GRAMD1B: variants seen among roughly 807,000 people sequenced by gnomAD.
GRAMD1B encodes GRAM domain containing 1B, also known as protein Aster-B.
A neutral mutation model predicts 99.7 loss-of-function variants in GRAMD1B; 37 were observed. The ratio of observed to expected loss-of-function variants is 0.37; its 90% CI spans 0.29 to 0.49. The LOEUF is 0.49. GRAMD1B is among the 20% of genes least tolerant of loss of function. GRAMD1B has a pLI of 0.98. For synonymous variants in GRAMD1B, 427 were observed against 387.6 expected (o/e 1.10, Z -1.19); for missense variants, 888 against 1,009.2 (o/e 0.88, Z 1.63).
At position 123,431,437 on chromosome 11, in the gene GRAMD1B, C is replaced by A. The variant is rs1470661402; in HGVS notation, c.374+271C>A. 1.3e-5 allele frequency among the ~76,000 whole-genome samples: 2 copies of A among 152,256 alleles called. 1 individual carries two copies. Among genetic ancestry groups the A allele is most frequent in the South Asian group, 4.1e-4 (2 of 4,830 alleles). On this transcript the variant is annotated intron_variant, in intron 1 of 19. Coordinates refer to ENST00000635736, the MANE Select transcript of GRAMD1B (RefSeq NM_001387025.1). ...TGCATTCCATCTCCCTTGATCCTCGCAGCGAAATAAATAATAAAAATAATA... is the reference window on the plus strand; with the variant it reads ...TGCATTCCATCTCCCTTGATCCTCGAAGCGAAATAAATAATAAAAATAATA...
chr11:123,537,549 C>T (rs1272935376), intron 2 of GRAMD1B, among the ~76,000 whole-genome samples: 1 of 152,162 alleles, frequency 6.6e-6, no homozygotes, highest in African/African-American at 2.4e-5. Flanking sequence ...GGCTTCTTCT[C>T]GATCTGAAAT....
At chr11:123,391,461 G>C (rs376984674) in intron 1 of GRAMD1B, among the ~76,000 whole-genome samples, 1 of 152,032 alleles carries the variant, frequency 6.6e-6, no homozygotes, top group African/African-American at 2.4e-5. Flanking sequence ...TTTTTTGTTT[G>C]TTTGTTTGTT....
At chr11:123,456,658 G>A (rs12360751) in intron 1 of GRAMD1B, among the ~76,000 whole-genome samples, 18,253 of 151,904 alleles carry the variant, frequency 0.12, 1,252 homozygotes, top group Non-Finnish European at 0.15. Flanking sequence ...AATGACTCAC[G>A]CCTATAATTC....
intron 1 of GRAMD1B, among the ~76,000 whole-genome samples, chr11:123,402,584 A>G (rs1313950333): frequency 6.6e-6 from 1 of 152,204 alleles, no homozygotes; most frequent in Non-Finnish European, 1.5e-5. Context: ...TGAATTTCCC[A>G]GCATCACAGT....
At chr11:123,541,280 T>TAG (rs903534755) in intron 2 of GRAMD1B, among the ~76,000 whole-genome samples, 2 of 152,148 alleles carry the variant, frequency 1.3e-5, no homozygotes, top group Non-Finnish European at 1.5e-5. Flanking sequence ...GATAGAAACC[T>TAG]AGAAGCCAGA....
intron 1 of GRAMD1B, among the ~76,000 whole-genome samples, chr11:123,469,472 A>G (rs796347307): frequency 2.0e-5 from 3 of 152,174 alleles, no homozygotes; most frequent in African/African-American, 7.2e-5. Flanking sequence ...GTCACTAAAG[A>G]AGTAAGGTCT....
At chr11:123,363,589 T>TTTTTTTTTTTTTTTTTTG (rs1555105461) in intron 1 of GRAMD1B, among the ~76,000 whole-genome samples, 1 of 152,026 alleles carries the variant, frequency 6.6e-6, no homozygotes, top group African/African-American at 2.4e-5. Context: ...TGTTTGTTTT[T>TTTTTTTTTTTTTTTTTTG]TTTTGGCACT....
chr11:123,359,900 C>G (rs1322850288), intron 1 of GRAMD1B, among the ~76,000 whole-genome samples: 2 of 152,180 alleles, frequency 1.3e-5, no homozygotes, highest in Non-Finnish European at 2.9e-5. Context: ...GGTACATCAC[C>G]TTTTGGAGAT....
chr11:123,410,552 C>T (rs115606258), intron 1 of GRAMD1B, among the ~76,000 whole-genome samples: 1 of 152,150 alleles, frequency 6.6e-6, no homozygotes, highest in Admixed American at 6.5e-5. Context: ...CTACACAAGA[C>T]CCTGGAACCA....
intron 1 of GRAMD1B, chr11:123,358,948 CAA>C (rs1946046670): frequency 6.6e-6 from 1 of 152,272 alleles, no homozygotes; most frequent in Admixed American, 6.5e-5. Flanking sequence ...AGTGAAACAT[CAA>C]AGTTACCTGA....
chr11:123,476,391 G>A lies in GRAMD1B; in HGVS notation c.375-4425G>A, dbSNP rs994585666. On this transcript the variant is annotated intron_variant, in intron 1 of 19. Coordinates refer to ENST00000635736, the MANE Select transcript of GRAMD1B (RefSeq NM_001387025.1). ...GCTGGGATTACAGGCGTGAGCCACC[G>A]CACCCGGCCCATTTAACTTCTTTAA... Among the ~76,000 whole-genome samples, 7 of 152,114 alleles carry A rather than the reference G, an allele frequency of 4.6e-5. No individual in the cohort carries two copies. In the East Asian group the frequency reaches 1.2e-3, roughly 25 times the overall value.
intron 1 of GRAMD1B, among the ~76,000 whole-genome samples, chr11:123,377,868 C>G (rs892097582): frequency 6.6e-6 from 1 of 152,218 alleles, no homozygotes; most frequent in Non-Finnish European, 1.5e-5. Flanking sequence ...CGCCTTCCAC[C>G]ACCATGCGCT....
At chr11:123,524,823 A>G (rs888758671) in intron 2 of GRAMD1B, among the ~76,000 whole-genome samples, 4 of 152,136 alleles carry the variant, frequency 2.6e-5, no homozygotes, top group African/African-American at 7.2e-5. Context: ...GAAGGTTGCT[A>G]TTTCATAATT....
At chr11:123,360,675 C>A (rs955673975) in intron 1 of GRAMD1B, among the ~76,000 whole-genome samples, 1 of 152,076 alleles carries the variant, frequency 6.6e-6, no homozygotes, top group African/African-American at 2.4e-5. Flanking sequence ...AAGTGAGTGC[C>A]CTATTTGGTT....
At chr11:123,573,754 A>G (rs144421088) in intron 2 of GRAMD1B, among the ~76,000 whole-genome samples, 441 of 152,366 alleles carry the variant, frequency 2.9e-3, no homozygotes, top group African/African-American at 8.7e-3. Flanking sequence ...GAGCTCATGA[A>G]CACTCAATAA....
chr11:123,398,565 T>C (rs1947549529), intron 1 of GRAMD1B, among the ~76,000 whole-genome samples: 1 of 152,220 alleles, frequency 6.6e-6, no homozygotes, highest in Non-Finnish European at 1.5e-5. Flanking sequence ...AGAAATCCAG[T>C]TGTTCCACAT....
At chr11:123,459,520 G>A (rs1274975998) in intron 1 of GRAMD1B, 1 of 152,206 alleles carries the variant, frequency 6.6e-6, no homozygotes, top group African/African-American at 2.4e-5. Flanking sequence ...CTCCCAAATT[G>A]TTGAGATTAC....
intron 2 of GRAMD1B, among the ~76,000 whole-genome samples, chr11:123,483,416 G>T (rs2134881806): frequency 6.8e-6 from 1 of 147,836 alleles, no homozygotes; most frequent in South Asian, 2.1e-4. Flanking sequence ...TTTGAGATAG[G>T]GTCTCTGTCA....
At chr11:123,415,970 C>A (rs1395681700) in intron 1 of GRAMD1B, among the ~76,000 whole-genome samples, 1 of 152,104 alleles carries the variant, frequency 6.6e-6, no homozygotes, top group Non-Finnish European at 1.5e-5. Context: ...ACTGAGGTTT[C>A]TTTAGTTTTT....
Sources: gnomAD v4.1 joint callset for allele counts (sites outside exome capture counted in the v4.1 genomes callset) on GRCh38, gnomAD v4.1.1 for gene constraint, MANE v1.5 for transcripts, NCBI Gene and HGNC (gene_info 2026-07-23, HGNC 2026-07-21) for gene names.